Variants in ZNF536 observed in about 807,000 individuals in gnomAD.
ZNF536 encodes zinc finger protein 536.
ZNF536 carries 13 observed loss-of-function variants against 84.5 expected under a neutral mutation model. The ratio of observed to expected loss-of-function variants is 0.15; its 90% CI spans 0.10 to 0.24. The LOEUF is 0.24. Ranked by LOEUF, ZNF536 falls within the 10% of genes least tolerant of loss-of-function variation. ZNF536 has a pLI of 1.00. For synonymous variants in ZNF536, 811 were observed against 742.5 expected (o/e 1.09, Z -1.50); for missense variants, 1,536 against 1,747.5 (o/e 0.88, Z 2.16).
intron 1 of ZNF536, among the ~76,000 whole-genome samples, chr19:30,572,372 G>A (rs2046579203): frequency 6.6e-6 from 1 of 152,126 alleles, no homozygotes. Context: ...CCCAAGGGGG[G>A]CAGCTGTGGG....
intron 1 of ZNF536, among the ~76,000 whole-genome samples, chr19:30,645,955 C>T (rs139169792): frequency 1.3e-5 from 2 of 152,252 alleles, no homozygotes; most frequent in Non-Finnish European, 2.9e-5. Flanking sequence ...TGGCTTCTTG[C>T]TGGATAAGCT....
At chr19:30,447,191 C>G (rs1427203862) in intron 2 of ZNF536, among the ~76,000 whole-genome samples, 1 of 151,996 alleles carries the variant, frequency 6.6e-6, no homozygotes, top group Non-Finnish European at 1.5e-5. Context: ...GTTTTTTCTT[C>G]TTTCTTGATC....
intron 2 of ZNF536, among the ~76,000 whole-genome samples, chr19:30,505,312 TAATG>T (rs1282857760): frequency 6.8e-6 from 1 of 147,308 alleles, no homozygotes; most frequent in African/African-American, 2.5e-5. Context: ...TTATAAATTT[TAATG>T]AATATTATTA....
chr19:30,496,716 A>T (rs968762279), intron 2 of ZNF536, among the ~76,000 whole-genome samples: 1 of 151,954 alleles, frequency 6.6e-6, no homozygotes, highest in Admixed American at 6.6e-5. Flanking sequence ...GGCCTTCTCA[A>T]TGCACTGGAT....
rs1390499721 is a variant in ZNF536, at chr19:30,619,448, C to A, written c.169+69934C>A. Among the ~76,000 whole-genome samples the A allele has an allele frequency of 2.6e-5, 4 of 152,164 alleles. No homozygotes were observed. The South Asian group carries it at 6.2e-4, about 24-fold the overall frequency. On this transcript the variant is annotated intron_variant, in intron 1 of 1. Coordinates refer to the ZNF536 transcript ENST00000592773. ...TGGTGCCAAGCAGCAGACCAAGGTC[C>A]TCAAAGCAGCTCAATATATGTTCTT...
intron 1 of ZNF536, among the ~76,000 whole-genome samples, chr19:30,636,382 G>A (rs1245768936): frequency 6.6e-6 from 1 of 152,144 alleles, no homozygotes; most frequent in African/African-American, 2.4e-5. Flanking sequence ...CTGTGGCTGA[G>A]CAAAGATTCC....
intron 1 of ZNF536, among the ~76,000 whole-genome samples, chr19:30,684,570 A>T (rs1461333062): frequency 6.6e-6 from 1 of 152,200 alleles, no homozygotes; most frequent in Admixed American, 6.5e-5. Context: ...TTAAGGGCAA[A>T]ATCATGGCAA....
At chr19:30,661,717 C>T (rs1600186162) in intron 1 of ZNF536, among the ~76,000 whole-genome samples, 1 of 152,162 alleles carries the variant, frequency 6.6e-6, no homozygotes, top group South Asian at 2.1e-4. Context: ...AAATTAGGCA[C>T]TTCCACATGA....
intron 1 of ZNF536, among the ~76,000 whole-genome samples, chr19:30,390,760 A>G (rs1342501753): frequency 6.6e-6 from 1 of 152,292 alleles, no homozygotes; most frequent in African/African-American, 2.4e-5. Context: ...GAGGATTCTA[A>G]TCAAGTGACT....
intron 1 of ZNF536, among the ~76,000 whole-genome samples, chr19:30,586,588 A>AT (rs2146737322): frequency 6.6e-6 from 1 of 152,172 alleles, no homozygotes; most frequent in Non-Finnish European, 1.5e-5. Context: ...ATTGACTATC[A>AT]TTTTTAAAAA....
intron 1 of ZNF536, among the ~76,000 whole-genome samples, chr19:30,676,043 T>C (rs1056443310): frequency 2.0e-5 from 3 of 151,164 alleles, no homozygotes; most frequent in Non-Finnish European, 4.4e-5. Context: ...TTTTTTTTAA[T>C]AGAGATGGGG....
At chr19:30,587,384 A>C (rs921201657) in intron 1 of ZNF536, among the ~76,000 whole-genome samples, 3 of 152,202 alleles carry the variant, frequency 2.0e-5, no homozygotes, top group African/African-American at 7.2e-5. Flanking sequence ...GCATTTTCCC[A>C]ACTAAATCAA....
intron 1 of ZNF536, among the ~76,000 whole-genome samples, chr19:30,651,285 G>T (rs1443898037): frequency 6.6e-6 from 1 of 152,200 alleles, no homozygotes; most frequent in Non-Finnish European, 1.5e-5. Flanking sequence ...TTGCCTGTGT[G>T]TTTCATCAGA....
intron 2 of ZNF536, among the ~76,000 whole-genome samples, chr19:30,515,044 C>T (rs1462402217): frequency 6.6e-6 from 1 of 151,920 alleles, no homozygotes; most frequent in African/African-American, 2.4e-5. Flanking sequence ...TGAGCCCAGG[C>T]GTTTGAGACC....
At chr19:30,391,771 G>A (rs1426713730) in intron 1 of ZNF536, among the ~76,000 whole-genome samples, 2 of 152,140 alleles carry the variant, frequency 1.3e-5, no homozygotes, top group Non-Finnish European at 2.9e-5. Context: ...CTGACAAACA[G>A]CATCTTCCAC....
At chr19:30,651,969 T>C (rs2049724273) in intron 1 of ZNF536, among the ~76,000 whole-genome samples, 1 of 152,228 alleles carries the variant, frequency 6.6e-6, no homozygotes, top group African/African-American at 2.4e-5. Flanking sequence ...GGTCTTCTTT[T>C]CTCCTTAAAA....
intron 1 of ZNF536, among the ~76,000 whole-genome samples, chr19:30,231,560 T>C (rs1445692539): frequency 6.6e-6 from 1 of 151,088 alleles, no homozygotes; most frequent in Non-Finnish European, 1.5e-5. Flanking sequence ...GGGAGGGAGG[T>C]CTCTGTCTGC....
chr19:30,376,596 G>A (rs1457532342), intron 1 of ZNF536, among the ~76,000 whole-genome samples: 1 of 152,186 alleles, frequency 6.6e-6, no homozygotes, highest in African/African-American at 2.4e-5. Flanking sequence ...AAGAAGAGTG[G>A]GAAGCAGCTG....
rs140823867 is a variant in ZNF536, at chr19:30,528,785, G to A, written c.2171-6062G>A. Among the ~76,000 whole-genome samples, 1,461 of 152,296 alleles carry A rather than the reference G, an allele frequency of 9.6e-3. 77 individuals carry two copies. The highest frequency in any genetic ancestry group is 0.072 in the Admixed American group (1,097 of 15,290). On this transcript the variant is annotated intron_variant, in intron 2 of 4. Coordinates refer to ENST00000355537, the MANE Select transcript of ZNF536 (RefSeq NM_014717.3). ...CTGTCCTCAGCTTAGTGCAAGAGAA[G>A]TTGGGATACGTAGGGGTCCAGGGAC... is the stretch of plus-strand genomic sequence containing the variant.
Sources: gnomAD v4.1 joint callset for allele counts (sites outside exome capture counted in the v4.1 genomes callset) on GRCh38, gnomAD v4.1.1 for gene constraint, MANE v1.5 for transcripts, NCBI Gene and HGNC (gene_info 2026-07-23, HGNC 2026-07-21) for gene names.